The following ZFYVE27 variants were observed in gnomAD, a reference collection of about 807,000 sequenced individuals.
The protein encoded by ZFYVE27 is zinc finger FYVE-type containing 27.
Under a neutral mutation model 52.8 loss-of-function variants are expected in ZFYVE27, and 36 were observed. That is an observed-to-expected ratio of 0.68 (90% CI 0.52 to 0.90). The LOEUF is 0.90. Among genes scored for constraint, ZFYVE27 ranks in the 40% least tolerant of loss-of-function variants. The probability of loss-of-function intolerance (pLI) is 0.00; values close to 1 mark genes in which losing one functional copy is unlikely to be tolerated. For synonymous variants in ZFYVE27, 223 were observed against 215.6 expected, an observed-to-expected ratio of 1.03 and a Z score of -0.30; for missense variants, 450 against 527.2, an observed-to-expected ratio of 0.85 and a Z score of 1.43.
chr10:97,746,210 A>C (rs1590037815), intron 4 of ZFYVE27, among the ~76,000 whole-genome samples: 1 of 151,908 alleles, frequency 6.6e-6, no homozygotes, highest in East Asian at 1.9e-4. Context: ...CACCATGTCC[A>C]GCTAATTTTT....
rs959811421 is a variant in ZFYVE27 at position 97,760,156 on chromosome 10, C to T, written c.*856C>T. 7.2e-5 allele frequency: 11 copies of T among 152,354 alleles called. No homozygotes were observed. Among genetic ancestry groups the T allele is most frequent in the African/African-American group, 2.7e-4 (11 of 41,466 alleles). The allele number at this position is 152,354 out of a possible 1,614,324, so 9.4% of individuals were successfully genotyped here. ...CTCCACTGGCCCAGCACTCCAGTTT[C>T]CTTTCCCTGCCTCTTGTCCAATGGA... On this transcript the variant is annotated 3_prime_UTR_variant, in exon 13 of 13. Transcript: ENST00000684270.
intron 11 of ZFYVE27, 46 bp downstream of exon 11, chr10:97,757,357 A>T: frequency 6.2e-7 from 1 of 1,613,512 alleles, no homozygotes; most frequent in East Asian, 2.2e-5. Flanking sequence ...TGTCCTTGGG[A>T]CTGTCGGGTG....
chr10:97,737,705 A>G (rs1258573794), intron 1 of ZFYVE27, among the ~76,000 whole-genome samples: 1 of 152,192 alleles, frequency 6.6e-6, no homozygotes, highest in Non-Finnish European at 1.5e-5. Flanking sequence ...TTTGCTGCTT[A>G]GAGTTCAGGA....
At chr10:97,745,475 G>A (rs1013746394) in intron 4 of ZFYVE27, among the ~76,000 whole-genome samples, 1 of 152,162 alleles carries the variant, frequency 6.6e-6, no homozygotes, top group East Asian at 1.9e-4. Context: ...CACCACGCCT[G>A]GCCCTGTTCT....
rs2043890473 is a variant in ZFYVE27, at chr10:97,742,205, GTC to G, written c.198-882_198-881del. On this transcript the variant is annotated intron_variant, in intron 2 of 12. Coordinates refer to ENST00000684270, the MANE Select transcript of ZFYVE27 (RefSeq NM_001385875.1). ...TTACCTGTTTATTTTTCTGATGTTT[GTC>G]TCTCTCCTAGTGGCTCACCTATATA... Among the ~76,000 whole-genome samples the G allele has an allele frequency of 6.6e-5, 10 of 150,442 alleles. No homozygotes were observed. The South Asian group carries it at 2.1e-3, about 32-fold the overall frequency.
Position 97,759,231 on chromosome 10 carries a change from T to C in ZFYVE27, c.1172-5T>C. The C allele has an allele frequency of 6.2e-7, 1 of 1,614,176 alleles. No individual in the cohort carries two copies. Among genetic ancestry groups the C allele is most frequent in the Non-Finnish European group, 8.5e-7 (1 of 1,180,032 alleles). ...ATGTCTCACCAAGTTCTTCCTCCTTTTCAGCCCCTGAAGCCCAGAGGGAGA... is the reference window on the plus strand; with the variant it reads ...ATGTCTCACCAAGTTCTTCCTCCTTCTCAGCCCCTGAAGCCCAGAGGGAGA... On this transcript the variant is annotated splice_polypyrimidine_tract_variant and splice_region_variant and intron_variant, in intron 12 of 12. Transcript: ENST00000684270.
intron 11 of ZFYVE27, 125 bp downstream of exon 11, chr10:97,757,436 G>T (rs1590110856): frequency 7.0e-7 from 1 of 1,430,120 alleles, no homozygotes; most frequent in East Asian, 2.3e-5. Flanking sequence ...GTGGCTTTCT[G>T]GAGTGAGTGT....
At chr10:97,757,772 G>T in intron 12 of ZFYVE27, 49 bp downstream of exon 12, 6 of 1,590,514 alleles carry the variant, frequency 3.8e-6, no homozygotes, top group South Asian at 1.1e-5. Flanking sequence ...CCGCCCAGGG[G>T]ATGTCACGCT....
intron 3 of ZFYVE27, among the ~76,000 whole-genome samples, chr10:97,743,560 A>T (rs2044335907): frequency 6.6e-6 from 1 of 152,200 alleles, no homozygotes; most frequent in Non-Finnish European, 1.5e-5. Context: ...CCTGCTGAGG[A>T]TGCATTGACC....
At chr10:97,746,051 AT>A (rs71488840) in intron 4 of ZFYVE27, among the ~76,000 whole-genome samples, 771 of 64,116 alleles carry the variant, frequency 0.012, 3 homozygotes, top group Non-Finnish European at 0.021. Context: ...ATATATATAT[AT>A]TTTTTTTTTT....
In ZFYVE27 at chr10:97,753,138, G is replaced by A. The variant is rs370222554; in HGVS notation, c.998G>A (p.Arg333Gln). The A allele has an allele frequency of 9.3e-6, 15 of 1,611,958 alleles. No homozygotes were observed. Among genetic ancestry groups the A allele is most frequent in the Admixed American group, 1.7e-5 (1 of 59,732 alleles). The stretch of plus-strand genomic sequence containing the variant: ...GAGGTGCTGCGCAGCAAGGTGTCTC[G>A]GCTCACGGAGCGGCTCCGCAAGCGC... Reference protein sequence around the residue: ...KNEVLRSKVSRLTERLRKRYP... With the variant: ...KNEVLRSKVSQLTERLRKRYP... Residue 333 changes from arginine (R) to glutamine (Q), a missense_variant, in exon 10 of 13, where the codon CGG (arginine) becomes CAG (glutamine). Transcript: ENST00000684270.
rs113455715 is a variant in ZFYVE27, at chr10:97,737,205, C to A, written c.-118C>A. ...TTCGGACCTGCGACTTCCGAACAAC[C>A]CTGGCAGGAGGAGCGGCGTTCAGCC... On this transcript the variant is annotated 5_prime_UTR_variant, in exon 1 of 13. Transcript: ENST00000684270. 888 of 152,504 alleles carry A rather than the reference C, an allele frequency of 5.8e-3. 6 individuals carry two copies. The highest frequency in any genetic ancestry group is 0.014 in the South Asian group (67 of 4,836). The allele number at this position is 152,504 out of a possible 1,614,324, so 9.4% of individuals were successfully genotyped here.
rs1370311763 is a variant in ZFYVE27 at position 97,759,408 on chromosome 10, G to C, written c.*108G>C. The C allele has an allele frequency of 8.6e-7, 1 of 1,167,734 alleles. No individual in the cohort carries two copies. The highest frequency in any genetic ancestry group is 1.8e-5 in the Admixed American group (1 of 54,370). The allele number at this position is 1,167,734 out of a possible 1,614,324, so 72.3% of individuals were successfully genotyped here. A position where few individuals can be genotyped will look rare whatever the true frequency, so the allele number is the denominator to read the frequency against. On this transcript the variant is annotated 3_prime_UTR_variant, in exon 13 of 13. Transcript: ENST00000684270. ...GGTGTGTGCTGGGCAAATGTGGCCT[G>C]AATGCTAGGTAGGCTTCCCCTTCCT...
chr10:97,745,367 G>C (rs1020101205), intron 4 of ZFYVE27, among the ~76,000 whole-genome samples: 1 of 151,974 alleles, frequency 6.6e-6, no homozygotes, highest in African/African-American at 2.4e-5. Context: ...TTTTAGTAGA[G>C]ACCGGGTTTC....
chr10:97,753,059 T>C lies in ZFYVE27; in HGVS notation c.919T>C (p.Cys307Arg), dbSNP rs1422367242. The change falls in exon 10 of 13, where the codon TGC (cysteine) becomes CGC (arginine). Residue 307 changes from cysteine (C) to arginine (R), a missense_variant. Cys to Arg is a radical substitution (Grantham distance 180). Coordinates refer to ENST00000684270, the MANE Select transcript of ZFYVE27 (RefSeq NM_001385875.1). ...ACAGGAGGATGATGAGGGCGCCCCG[T>C]GCCCAGCAGAGGATGAGCTGGCCCT... ...VVLEDDEGAPCPAEDELALQD... is the reference protein window; with the variant it reads ...VVLEDDEGAPRPAEDELALQD... The C allele has an allele frequency of 6.2e-7, 1 of 1,612,154 alleles. No homozygotes were observed. Among genetic ancestry groups the C allele is most frequent in the South Asian group, 1.1e-5 (1 of 90,596 alleles).
chr10:97,757,554 G>A, intron 11 of ZFYVE27, 88 bp from the exon 12 acceptor site: 3 of 1,453,274 alleles, frequency 2.1e-6, no homozygotes, highest in East Asian at 2.3e-5. Flanking sequence ...TTCCTTGGGT[G>A]GGATCAGCTG....
rs767869701 is a variant in ZFYVE27, at chr10:97,759,330, CG to C, written c.*31del. 1.1e-5 allele frequency: 18 copies of C among 1,613,272 alleles called. No individual in the cohort carries two copies. The Admixed American group carries it at 3.0e-4, about 27-fold the overall frequency. ...AGAGGCCAGGGTCCAACCAGGCACCCGTCCTTGGGACCAGCAGTAGACCCCC... is the reference window on the plus strand; with the variant it reads ...AGAGGCCAGGGTCCAACCAGGCACCCTCCTTGGGACCAGCAGTAGACCCCC... On this transcript the variant is annotated 3_prime_UTR_variant, in exon 13 of 13. Coordinates refer to ENST00000684270, the MANE Select transcript of ZFYVE27 (RefSeq NM_001385875.1).
intron 11 of ZFYVE27, 142 bp downstream of exon 11, chr10:97,757,453 C>T: frequency 7.4e-7 from 1 of 1,350,698 alleles, no homozygotes; most frequent in South Asian, 1.2e-5. Flanking sequence ...GTGTGCCCTC[C>T]CCTGCGCCTG....
chr10:97,751,472 C>G lies in ZFYVE27; in HGVS notation c.876+10C>G. ...TAAAGATGCGATTGAGGTGGGTGGCCCTTCCCCAGCATCCTCTACTCAGCA... is the reference window on the plus strand; with the variant it reads ...TAAAGATGCGATTGAGGTGGGTGGCGCTTCCCCAGCATCCTCTACTCAGCA... On this transcript the variant is annotated intron_variant, in intron 8 of 12. Transcript: ENST00000684270. 6.2e-7 allele frequency: 1 copy of G among 1,613,478 alleles called. No homozygotes were observed. Among genetic ancestry groups the G allele is most frequent in the South Asian group, 1.1e-5 (1 of 91,042 alleles).
Sources: gnomAD v4.1 joint callset for allele counts (sites outside exome capture counted in the v4.1 genomes callset) on GRCh38, gnomAD v4.1.1 for gene constraint, MANE v1.5 for transcripts, NCBI Gene and HGNC (gene_info 2026-07-23, HGNC 2026-07-21) for gene names.